The following RASSF6 variants were observed in gnomAD, a reference collection of about 807,000 sequenced individuals.
The protein encoded by RASSF6 is ras association domain-containing protein 6.
In RASSF6, 52 loss-of-function variants were observed where a neutral mutation model predicts 44.0. The observed-to-expected ratio is 1.18, with a 90% confidence interval of 0.95 to 1.49. The LOEUF is 1.49. Ranked by LOEUF, RASSF6 falls within the 40% of genes most tolerant of loss-of-function variation. The pLI, the probability that RASSF6 is intolerant of heterozygous loss-of-function variation, is 0.00. For synonymous variants in RASSF6, 162 were observed against 124.6 expected, an observed-to-expected ratio of 1.30 and a Z score of -2.00; for missense variants, 464 against 393.3, an observed-to-expected ratio of 1.18 and a Z score of -1.52.
intron 4 of RASSF6, 31 bp downstream of exon 4, chr4:73,593,420 T>C: frequency 6.3e-7 from 1 of 1,583,558 alleles, no homozygotes; most frequent in South Asian, 1.2e-5. Context: ...GATCATCTTC[T>C]GAGGAATTAA....
chr4:73,610,393 A>T (rs1725924206), intron 2 of RASSF6, among the ~76,000 whole-genome samples: 1 of 152,178 alleles, frequency 6.6e-6, no homozygotes, highest in Non-Finnish European at 1.5e-5. Context: ...TTCTTAACAC[A>T]GCAGCTAGAC....
In RASSF6 at chr4:73,572,931, TCA is replaced by T. The variant is rs1248870348; in HGVS notation, c.*3302_*3303del. 2 of 152,060 alleles carry T rather than the reference TCA, an allele frequency of 1.3e-5. No individual in the cohort carries two copies. Among genetic ancestry groups the T allele is most frequent in the South Asian group, 2.1e-4 (1 of 4,828 alleles). The allele number at this position is 152,060 out of a possible 1,614,324, so 9.4% of individuals were successfully genotyped here. On this transcript the variant is annotated 3_prime_UTR_variant, in exon 11 of 11. Transcript: ENST00000307439. ...TGTATATATATGCAAATATTAGTGTTCACACACACAAATACATATATATATAC... is the reference window on the plus strand; with the variant it reads ...TGTATATATATGCAAATATTAGTGTTCACACACAAATACATATATATATAC...
chr4:73,601,371 T>C (rs1725267153), intron 2 of RASSF6, among the ~76,000 whole-genome samples: 1 of 152,240 alleles, frequency 6.6e-6, no homozygotes, highest in South Asian at 2.1e-4. Flanking sequence ...ACAGAAATCA[T>C]ATGACCTACA....
chr4:73,608,303 A>G (rs1035194464), intron 2 of RASSF6, among the ~76,000 whole-genome samples: 1 of 152,004 alleles, frequency 6.6e-6, no homozygotes, highest in Non-Finnish European at 1.5e-5. Context: ...AATTGATAAA[A>G]CAGGTAACTG....
intron 8 of RASSF6, 120 bp from the exon 9 acceptor site, chr4:73,576,851 A>T (rs1369496088): frequency 1.5e-6 from 1 of 655,126 alleles, no homozygotes; most frequent in Non-Finnish European, 2.7e-6. Flanking sequence ...CACCTGCAAC[A>T]GGAGGCAATT....
intron 2 of RASSF6, among the ~76,000 whole-genome samples, chr4:73,611,207 A>G (rs13131954): frequency 0.49 from 74,615 of 151,796 alleles, 18,695 homozygotes; most frequent in East Asian, 0.69. Flanking sequence ...TTCAGTTTTC[A>G]TCTCTACTCT....
rs1451227995 is a variant in RASSF6, at chr4:73,572,612, C to A, written c.*3623G>T. 2.0e-5 allele frequency: 3 copies of A among 152,080 alleles called. No individual in the cohort carries two copies. Among genetic ancestry groups the A allele is most frequent in the African/African-American group, 7.2e-5 (3 of 41,414 alleles). 9.4% of individuals were successfully genotyped at this position (152,080 alleles called of 1,614,324 possible). On this transcript the variant is annotated 3_prime_UTR_variant, in exon 11 of 11. Coordinates refer to ENST00000307439, the MANE Select transcript of RASSF6 (RefSeq NM_177532.5). ...TGAGGAAGATTAAGCTTCATCTCTT[C>A]AAAGGAGAAGAATCAGACTTTATGG...
chr4:73,593,282 C>T lies in RASSF6; in HGVS notation c.287+169G>A, dbSNP rs574714009. Among the ~76,000 whole-genome samples the T allele has an allele frequency of 3.3e-5, 5 of 152,244 alleles. 1 individual carries two copies. In the South Asian group the frequency reaches 1.0e-3, roughly 32 times the overall value. On this transcript the variant is annotated intron_variant, in intron 4 of 10. Coordinates refer to ENST00000307439, the MANE Select transcript of RASSF6 (RefSeq NM_177532.5). ...CCACCTGCCTTGGCCTCCCGAAGTGCCGGGATTACAGGTGTGAGCCACCGT... is the reference window on the plus strand; with the variant it reads ...CCACCTGCCTTGGCCTCCCGAAGTGTCGGGATTACAGGTGTGAGCCACCGT...
At chr4:73,581,143 A>G (rs1560439634) in intron 8 of RASSF6, among the ~76,000 whole-genome samples, 1 of 152,130 alleles carries the variant, frequency 6.6e-6, no homozygotes, top group Non-Finnish European at 1.5e-5. Context: ...ATTCTAATAA[A>G]TTTCTGGCTT....
chr4:73,599,682 T>G (rs1725156476), intron 2 of RASSF6, among the ~76,000 whole-genome samples: 1 of 152,220 alleles, frequency 6.6e-6, no homozygotes, highest in Non-Finnish European at 1.5e-5. Context: ...CTTGGATTAT[T>G]GCAGCAGCCT....
chr4:73,606,227 T>C (rs1957660), intron 2 of RASSF6, among the ~76,000 whole-genome samples: 74,956 of 152,200 alleles, frequency 0.49, 18,785 homozygotes, highest in East Asian at 0.67. Context: ...TGGAATACTC[T>C]GTAGCCATAA....
chr4:73,617,893 A>C (rs1206114066), intron 1 of RASSF6, among the ~76,000 whole-genome samples: 1 of 152,182 alleles, frequency 6.6e-6, no homozygotes, highest in Non-Finnish European at 1.5e-5. Flanking sequence ...TTAAAAATCT[A>C]AGCTTTTATA....
chr4:73,598,073 G>A lies in RASSF6; in HGVS notation c.144+567C>T, dbSNP rs908232832. On this transcript the variant is annotated intron_variant, in intron 3 of 10. Transcript: ENST00000307439. ...TGTACAACAAACCACCATGACACAT[G>A]TTTACCTATGTAACAAACTTGCACT... Among the ~76,000 whole-genome samples, 3 of 152,276 alleles carry A rather than the reference G, an allele frequency of 2.0e-5. No homozygotes were observed. In the East Asian group the frequency reaches 5.8e-4, roughly 29 times the overall value.
intron 6 of RASSF6, among the ~76,000 whole-genome samples, chr4:73,584,172 A>G (rs12505842): frequency 0.28 from 42,396 of 151,882 alleles, 6,166 homozygotes; most frequent in Admixed American, 0.41. Context: ...GAGAAGAGAG[A>G]TTTCTCCCCA....
At chr4:73,588,107 G>A (rs1158463321) in intron 4 of RASSF6, among the ~76,000 whole-genome samples, 173 bp from the exon 5 acceptor site, 3 of 151,886 alleles carry the variant, frequency 2.0e-5, no homozygotes, top group Non-Finnish European at 4.4e-5. Context: ...TACCAAAGTG[G>A]TCAATATATG....
chr4:73,616,940 G>A (rs1484808277), intron 1 of RASSF6, among the ~76,000 whole-genome samples: 1 of 152,158 alleles, frequency 6.6e-6, no homozygotes, highest in Non-Finnish European at 1.5e-5. Context: ...ATGAGACAAA[G>A]CATCTATAAT....
rs1726625549 is a variant in RASSF6, at chr4:73,620,398, T to C, written c.-145A>G. On this transcript the variant is annotated 5_prime_UTR_variant, in exon 1 of 11. Coordinates refer to ENST00000307439, the MANE Select transcript of RASSF6 (RefSeq NM_177532.5). ...AGGAACTCTGGTAGAGGGAAACCAG[T>C]GCCCTGTCTCTGCCGGGCTGGGACT... 3.9e-6 allele frequency: 6 copies of C among 1,535,786 alleles called. No individual in the cohort carries two copies. The African/African-American group carries it at 4.2e-5, about 11-fold the overall frequency.
At chr4:73,593,695 A>T in intron 3 of RASSF6, 102 bp from the exon 4 acceptor site, 1 of 1,081,538 alleles carries the variant, frequency 9.2e-7, no homozygotes, top group Non-Finnish European at 1.4e-6. Flanking sequence ...AAACCTAAAT[A>T]GATTAAAAAG....
chr4:73,578,933 C>T (rs1229771842), intron 8 of RASSF6, among the ~76,000 whole-genome samples: 1 of 151,970 alleles, frequency 6.6e-6, no homozygotes, highest in African/African-American at 2.4e-5. Flanking sequence ...ATCCTCTCAT[C>T]TGCATTTCCC....
Sources: allele counts gnomAD v4.1 joint callset (sites outside exome capture counted in the v4.1 genomes callset), GRCh38; gene constraint gnomAD v4.1.1; transcripts MANE v1.5; gene names NCBI Gene and HGNC (gene_info 2026-07-23, HGNC 2026-07-21).